Variants in PTPRD observed in about 807,000 individuals in gnomAD.
The protein encoded by PTPRD is protein tyrosine phosphatase receptor type D.
In PTPRD, 34 loss-of-function variants were observed where a neutral mutation model predicts 214.5. The observed-to-expected ratio is 0.16, with a 90% confidence interval of 0.12 to 0.21. The LOEUF (loss-of-function observed/expected upper bound fraction) is 0.21, where lower values mean the gene tolerates loss of function less well. Ranked by LOEUF, PTPRD falls within the 10% of genes least tolerant of loss-of-function variation. The pLI, the probability that PTPRD is intolerant of heterozygous loss-of-function variation, is 1.00. For synonymous variants in PTPRD, 1,128 were observed against 845.7 expected (o/e 1.33, Z -5.79); for missense variants, 2,545 against 2,398.7 (o/e 1.06, Z -1.27).
intron 9 of PTPRD, among the ~76,000 whole-genome samples, chr9:9,318,569 A>G (rs1964671893): frequency 1.3e-5 from 2 of 152,176 alleles, no homozygotes. Context: ...CCTAGAAAAC[A>G]CTAGATTTTA....
intron 11 of PTPRD, among the ~76,000 whole-genome samples, chr9:8,749,822 C>T (rs1201301383): frequency 1.3e-5 from 2 of 152,110 alleles, no homozygotes; most frequent in Non-Finnish European, 2.9e-5. Flanking sequence ...CAAGGTCCGG[C>T]TGGGTGCGGT....
Position 8,316,687 on chromosome 9 carries a change from A to C in PTPRD, c.*1187T>G, listed in dbSNP as rs1445572066. On this transcript the variant is annotated 3_prime_UTR_variant, in exon 46 of 46. Transcript: ENST00000381196. ...TTGTTGGAAGCCTGACTAACAAACAAACAAAACAATTTGTGGATGTGATTG... is the reference window on the plus strand; with the variant it reads ...TTGTTGGAAGCCTGACTAACAAACACACAAAACAATTTGTGGATGTGATTG... The C allele has an allele frequency of 4.3e-6, 1 of 230,776 alleles. No homozygotes were observed. The highest frequency in any genetic ancestry group is 2.2e-5 in the African/African-American group (1 of 45,156). The allele number at this position is 230,776 out of a possible 1,614,324, so 14.3% of individuals were successfully genotyped here. A position where few individuals can be genotyped will look rare whatever the true frequency, so the allele number is the denominator to read the frequency against.
chr9:9,835,946 G>A (rs2056622694), intron 5 of PTPRD, among the ~76,000 whole-genome samples: 1 of 152,100 alleles, frequency 6.6e-6, no homozygotes, highest in South Asian at 2.1e-4. Flanking sequence ...TCTACCACTA[G>A]ATGGAAATTA....
intron 3 of PTPRD, among the ~76,000 whole-genome samples, chr9:10,334,913 C>T (rs2096819151): frequency 6.6e-6 from 1 of 151,632 alleles, no homozygotes; most frequent in Admixed American, 6.6e-5. Context: ...ACATGATACA[C>T]ACTATGAAAC....
chr9:10,359,480 T>C (rs1001411747), intron 2 of PTPRD, among the ~76,000 whole-genome samples: 4 of 152,104 alleles, frequency 2.6e-5, no homozygotes, highest in African/African-American at 7.2e-5. Context: ...AAGCATTTTG[T>C]CACTTTTAAA....
chr9:9,827,363 G>A (rs1455686918), intron 5 of PTPRD, among the ~76,000 whole-genome samples: 6 of 152,036 alleles, frequency 3.9e-5, no homozygotes, highest in East Asian at 1.9e-4. Context: ...CATATCTACA[G>A]CTATCTGATC....
At chr9:10,026,283 A>G (rs190223489) in intron 4 of PTPRD, among the ~76,000 whole-genome samples, 20 of 152,332 alleles carry the variant, frequency 1.3e-4, no homozygotes, top group Non-Finnish European at 5.9e-5. Context: ...GATGGAAAGA[A>G]GCTGATGACT....
intron 7 of PTPRD, among the ~76,000 whole-genome samples, chr9:9,694,379 G>C (rs188667117): frequency 6.6e-6 from 1 of 151,986 alleles, no homozygotes; most frequent in East Asian, 1.9e-4. Context: ...AGAGACTTTT[G>C]TTCTTTTCCC....
intron 6 of PTPRD, among the ~76,000 whole-genome samples, chr9:9,763,348 A>C (rs1347593510): frequency 6.6e-6 from 1 of 152,164 alleles, no homozygotes; most frequent in Admixed American, 6.6e-5. Flanking sequence ...AAGCACATCA[A>C]ATACATGACT....
In PTPRD at chr9:10,127,099, C is replaced by A. The variant is rs936193122; in HGVS notation, c.-544-93309G>T. ...GTGCACGTATTTCTCCATCACTAAT[C>A]CAGCAGTGTATCCTTACTGTGCTGC... On this transcript the variant is annotated intron_variant, in intron 3 of 45. Transcript: ENST00000381196. 6.6e-5 allele frequency among the ~76,000 whole-genome samples: 10 copies of A among 152,218 alleles called. 1 individual carries two copies. Among genetic ancestry groups the A allele is most frequent in the African/African-American group, 2.2e-4 (9 of 41,544 alleles).
intron 12 of PTPRD, among the ~76,000 whole-genome samples, chr9:8,715,628 T>TA (rs1373654042): frequency 6.6e-6 from 1 of 152,134 alleles, no homozygotes; most frequent in Non-Finnish European, 1.5e-5. Context: ...ATAAAACACA[T>TA]ACGGACCTAC....
rs534175531 is a variant in PTPRD, at chr9:9,638,467, G to C, written c.-286-63686C>G. Reference sequence around the variant, plus strand: ...AAATATCCTTGTTCCTCGTTTCTGTGTAAAACCTCATCAGAAAAGTCTTCA... The same window carrying C: ...AAATATCCTTGTTCCTCGTTTCTGTCTAAAACCTCATCAGAAAAGTCTTCA... On this transcript the variant is annotated intron_variant, in intron 7 of 45. Coordinates refer to ENST00000381196, the MANE Select transcript of PTPRD (RefSeq NM_002839.4). Among the ~76,000 whole-genome samples, 16 of 152,234 alleles carry C rather than the reference G, an allele frequency of 1.1e-4. No individual in the cohort carries two copies. In the South Asian group the frequency reaches 3.1e-3, roughly 30 times the overall value.
intron 9 of PTPRD, among the ~76,000 whole-genome samples, chr9:9,237,351 G>A (rs375102056): frequency 3.7e-4 from 57 of 152,180 alleles, no homozygotes; most frequent in African/African-American, 1.3e-3. Context: ...GATCACTGGA[G>A]CCCAGGAATT....
At chr9:8,634,687 G>C (rs977649893) in intron 13 of PTPRD, among the ~76,000 whole-genome samples, 1 of 151,932 alleles carries the variant, frequency 6.6e-6, no homozygotes, top group African/African-American at 2.4e-5. Context: ...TGGAAGCTTT[G>C]TTAAGCATTC....
intron 8 of PTPRD, among the ~76,000 whole-genome samples, chr9:9,533,224 T>G (rs1402227445): frequency 3.9e-5 from 6 of 152,138 alleles, no homozygotes; most frequent in Non-Finnish European, 8.8e-5. Flanking sequence ...TCAAACCTGC[T>G]GGCAATTTAT....
rs372665029 is a variant in PTPRD at position 10,595,042 on chromosome 9, A to G, written c.-600+17356T>C. On this transcript the variant is annotated intron_variant, in intron 2 of 45. Coordinates refer to ENST00000381196, the MANE Select transcript of PTPRD (RefSeq NM_002839.4). Reference sequence around the variant, plus strand: ...TTCAAATAACTATTTATAGGCGATAATTAGACCATATGTTAATCTCAGAGT... The same window carrying G: ...TTCAAATAACTATTTATAGGCGATAGTTAGACCATATGTTAATCTCAGAGT... Among the ~76,000 whole-genome samples, 10 of 152,044 alleles carry G rather than the reference A, an allele frequency of 6.6e-5. No individual in the cohort carries two copies. In the East Asian group the frequency reaches 1.9e-3, roughly 30 times the overall value.
chr9:9,413,323 C>A lies in PTPRD; in HGVS notation c.-236-15841G>T, dbSNP rs993894278. Among the ~76,000 whole-genome samples, 7 of 149,808 alleles carry A rather than the reference C, an allele frequency of 4.7e-5. No individual in the cohort carries two copies. In the South Asian group the frequency reaches 1.5e-3, roughly 32 times the overall value. On this transcript the variant is annotated intron_variant, in intron 8 of 45. Transcript: ENST00000381196. ...TAGAGACGGGGTTTCACCTTGTTAG[C>A]CAGGATGGTCTCGATCTCCTGACCT...
intron 9 of PTPRD, among the ~76,000 whole-genome samples, chr9:9,253,349 G>A (rs2099976256): frequency 6.6e-6 from 1 of 151,918 alleles, no homozygotes; most frequent in Non-Finnish European, 1.5e-5. Flanking sequence ...AAACTACTAA[G>A]TTGCTGGCGT....
intron 6 of PTPRD, among the ~76,000 whole-genome samples, chr9:9,757,048 G>A (rs563001178): frequency 6.6e-6 from 1 of 152,196 alleles, no homozygotes; most frequent in South Asian, 2.1e-4. Context: ...GTTTATTACA[G>A]AATTATTTTA....
Sources: allele counts gnomAD v4.1 joint callset (sites outside exome capture counted in the v4.1 genomes callset), GRCh38; gene constraint gnomAD v4.1.1; transcripts MANE v1.5; gene names NCBI Gene and HGNC (gene_info 2026-07-23, HGNC 2026-07-21).